RTN1: variants seen among roughly 807,000 people sequenced by gnomAD.
RTN1 encodes the protein reticulon 1, also known as reticulon-1.
In RTN1, 25 loss-of-function variants were observed where a neutral mutation model predicts 65.5. The observed-to-expected ratio is 0.38, with a 90% CI of 0.28 to 0.53. The LOEUF (loss-of-function observed/expected upper bound fraction) is 0.53. RTN1 is among the 20% of genes least tolerant of loss of function. The pLI is 0.79. For missense variants in RTN1, 983 were observed against 1,025.4 expected, an observed-to-expected ratio of 0.96 and a Z score of 0.57; for synonymous variants, 471 against 447.6, an observed-to-expected ratio of 1.05 and a Z score of -0.66.
At position 59,846,514 on chromosome 14, in the gene RTN1, C is replaced by G; in HGVS notation, c.241+23876G>C. ...CACCTCAGAGTCCCTACCCAGACACCCTTCTGTTCAGTGTTTCTCAGTGGT... is the reference window on the plus strand; with the variant it reads ...CACCTCAGAGTCCCTACCCAGACACGCTTCTGTTCAGTGTTTCTCAGTGGT... On this transcript the variant is annotated intron_variant, in intron 1 of 8. Coordinates refer to ENST00000267484, the MANE Select transcript of RTN1 (RefSeq NM_021136.3). This position sits in a 1 kb window ranked among gnomAD's most constrained non-coding sequence, Gnocchi z 4.8. Among the ~76,000 whole-genome samples the G allele has an allele frequency of 6.6e-6, 1 of 151,940 alleles. No individual in the cohort carries two copies. Among genetic ancestry groups the G allele is most frequent in the Non-Finnish European group, 1.5e-5 (1 of 67,986 alleles).
intron 1 of RTN1, among the ~76,000 whole-genome samples, chr14:59,819,403 ACAC>A (rs1566737357): frequency 1.0e-4 from 4 of 39,282 alleles, no homozygotes; most frequent in African/African-American, 1.8e-4. Context: ...TGGTGCATCC[ACAC>A]CACCACCACC....
At chr14:59,603,307 A>T (rs1196507708) in intron 6 of RTN1, 49 bp from the exon 7 acceptor site, 1 of 1,426,898 alleles carries the variant, frequency 7.0e-7, no homozygotes, top group African/African-American at 1.4e-5. Context: ...TATCAATAAG[A>T]ATACGCTTAT....
At chr14:59,653,337 A>C (rs1883057262) in intron 3 of RTN1, among the ~76,000 whole-genome samples, 1 of 152,216 alleles carries the variant, frequency 6.6e-6, no homozygotes, top group Non-Finnish European at 1.5e-5. Flanking sequence ...AGGTGAAATA[A>C]AGACATCCCC....
chr14:59,636,890 A>T (rs967531388), intron 3 of RTN1, among the ~76,000 whole-genome samples: 1 of 152,246 alleles, frequency 6.6e-6, no homozygotes, highest in Non-Finnish European at 1.5e-5. Context: ...CTGAGCCTTC[A>T]GTAATTCATA....
rs1266940121 is a variant in RTN1 at position 59,846,399 on chromosome 14, AGTT to A, written c.241+23988_241+23990del. The stretch of plus-strand genomic sequence containing the variant: ...TGTGCAGCCACAGCCCATGGATCAG[AGTT>A]GATGTATGCACACGTGTGTACACAC... On this transcript the variant is annotated intron_variant, in intron 1 of 8. Coordinates refer to ENST00000267484, the MANE Select transcript of RTN1 (RefSeq NM_021136.3). The surrounding 1 kb of genome is among the most constrained non-coding windows in gnomAD (Gnocchi z 4.8). 9.2e-5 allele frequency among the ~76,000 whole-genome samples: 14 copies of A among 152,092 alleles called. No homozygotes were observed. Among genetic ancestry groups the A allele is most frequent in the Non-Finnish European group, 2.1e-4 (14 of 68,000 alleles).
intron 1 of RTN1, among the ~76,000 whole-genome samples, chr14:59,752,803 C>A (rs1210349545): frequency 6.6e-6 from 1 of 152,142 alleles, no homozygotes; most frequent in Admixed American, 6.6e-5. Flanking sequence ...CAAGCTATGA[C>A]TAATTAATGC....
At chr14:59,627,629 A>G (rs1341102691) in intron 3 of RTN1, among the ~76,000 whole-genome samples, 1 of 152,216 alleles carries the variant, frequency 6.6e-6, no homozygotes, top group African/African-American at 2.4e-5. Flanking sequence ...AACTTTTTAA[A>G]ATTAGAAGCA....
At chr14:59,841,711 A>AG in intron 1 of RTN1, among the ~76,000 whole-genome samples, 1 of 144,192 alleles carries the variant, frequency 6.9e-6, no homozygotes, top group South Asian at 2.4e-4. Context: ...CATTAAAAAA[A>AG]AAAACAAAAA....
chr14:59,667,783 G>T (rs1011827033), intron 3 of RTN1, among the ~76,000 whole-genome samples: 3 of 151,994 alleles, frequency 2.0e-5, no homozygotes, highest in African/African-American at 7.2e-5. Flanking sequence ...AAAATCAATG[G>T]GCAAAAATCA....
chr14:59,668,353 C>A (rs563877351), intron 3 of RTN1, among the ~76,000 whole-genome samples: 8 of 152,152 alleles, frequency 5.3e-5, no homozygotes, highest in South Asian at 2.1e-4. Flanking sequence ...GAAATGGGGA[C>A]AGGATTCCCT....
At chr14:59,814,731 A>G (rs1886789085) in intron 1 of RTN1, among the ~76,000 whole-genome samples, 1 of 152,202 alleles carries the variant, frequency 6.6e-6, no homozygotes, top group South Asian at 2.1e-4. Flanking sequence ...ATGTAAATCA[A>G]CCTTCATGAT....
intron 1 of RTN1, among the ~76,000 whole-genome samples, chr14:59,810,983 A>C (rs1886718297): frequency 6.6e-6 from 1 of 152,274 alleles, no homozygotes; most frequent in East Asian, 1.9e-4. Flanking sequence ...AAAGCAATCT[A>C]TTGTGGTGCA....
chr14:59,865,913 G>A (rs1594773031), intron 1 of RTN1, among the ~76,000 whole-genome samples: 2 of 152,272 alleles, frequency 1.3e-5, no homozygotes, highest in Admixed American at 1.3e-4. Flanking sequence ...ATAGATGATA[G>A]AAATAAAGGG....
At chr14:59,819,813 G>A (rs1230284982) in intron 1 of RTN1, among the ~76,000 whole-genome samples, 1 of 152,164 alleles carries the variant, frequency 6.6e-6, no homozygotes, top group Non-Finnish European at 1.5e-5. Flanking sequence ...GCTGGCCCAG[G>A]TGCTAAGCCC....
chr14:59,772,413 G>C (rs1217313113), intron 1 of RTN1, among the ~76,000 whole-genome samples: 1 of 151,684 alleles, frequency 6.6e-6, no homozygotes, highest in Non-Finnish European at 1.5e-5. Flanking sequence ...CCTTTAGTGT[G>C]CTCAGCATGC....
At chr14:59,810,067 C>T (rs1208447810) in intron 1 of RTN1, among the ~76,000 whole-genome samples, 1 of 152,166 alleles carries the variant, frequency 6.6e-6, no homozygotes, top group Non-Finnish European at 1.5e-5. Flanking sequence ...ATGATTTTCC[C>T]TGGGTCTCTT....
At chr14:59,718,878 C>T (rs975993532) in intron 3 of RTN1, among the ~76,000 whole-genome samples, 1 of 152,158 alleles carries the variant, frequency 6.6e-6, no homozygotes, top group African/African-American at 2.4e-5. Context: ...GTCACCCCTA[C>T]CACAAATCCA....
intron 2 of RTN1, among the ~76,000 whole-genome samples, chr14:59,733,113 G>A (rs936876587): frequency 6.7e-6 from 1 of 150,040 alleles, no homozygotes; most frequent in African/African-American, 2.5e-5. Context: ...TTCTTTTGAG[G>A]CAGAGTCTCG....
At chr14:59,615,392 T>C (rs539225232) in intron 3 of RTN1, among the ~76,000 whole-genome samples, 1 of 152,128 alleles carries the variant, frequency 6.6e-6, no homozygotes, top group Admixed American at 6.6e-5. Flanking sequence ...GAGGTTGCGA[T>C]GAACAGAGAT....
Sources: allele counts gnomAD v4.1 joint callset (sites outside exome capture counted in the v4.1 genomes callset), GRCh38; gene constraint gnomAD v4.1.1; non-coding constraint Gnocchi (gnomAD v3.1); transcripts MANE v1.5; gene names NCBI Gene and HGNC (gene_info 2026-07-23, HGNC 2026-07-21).